Variants in GAD2 observed in about 807,000 individuals in gnomAD.
GAD2 encodes 65 kDa glutamic acid decarboxylase.
Under a neutral mutation model 80.1 loss-of-function variants are expected in GAD2, and 22 were observed. The ratio of observed to expected loss-of-function variants is 0.27; its 90% confidence interval spans 0.20 to 0.39. The LOEUF (loss-of-function observed/expected upper bound fraction) is 0.39. Ranked by LOEUF, GAD2 falls within the 10% of genes least tolerant of loss-of-function variation. The probability of loss-of-function intolerance (pLI) is 1.00; values close to 1 mark genes in which losing one functional copy is unlikely to be tolerated. For missense variants in GAD2, 624 were observed against 738.4 expected, an observed-to-expected ratio of 0.85 and a Z score of 1.80; for synonymous variants, 274 against 256.9, an observed-to-expected ratio of 1.07 and a Z score of -0.64.
chr10:26,223,851 G>T (rs751921166), intron 4 of GAD2, 36 bp from the exon 5 acceptor site: 1 of 1,368,524 alleles, frequency 7.3e-7, no homozygotes, highest in South Asian at 1.3e-5. Context: ...ATTTTCACTG[G>T]AGGCAATCCT....
At chr10:26,259,669 T>G (rs1844986558) in intron 8 of GAD2, among the ~76,000 whole-genome samples, 1 of 152,208 alleles carries the variant, frequency 6.6e-6, no homozygotes, top group African/African-American at 2.4e-5. Flanking sequence ...CTTCTTACTC[T>G]GTTGATAGTA....
intron 7 of GAD2, among the ~76,000 whole-genome samples, chr10:26,235,987 G>C (rs569564501): frequency 6.6e-6 from 1 of 152,124 alleles, no homozygotes; most frequent in Non-Finnish European, 1.5e-5. Context: ...AATTCGCTCC[G>C]CTCTTCACAT....
chr10:26,264,822 A>G (rs956152978), intron 8 of GAD2, among the ~76,000 whole-genome samples: 1 of 152,298 alleles, frequency 6.6e-6, no homozygotes, highest in Admixed American at 6.5e-5. Context: ...ATGTACGCAT[A>G]CTTTCTTCTT....
intron 9 of GAD2, among the ~76,000 whole-genome samples, chr10:26,270,249 T>C (rs560167682): frequency 1.1e-4 from 17 of 152,310 alleles, no homozygotes; most frequent in African/African-American, 4.1e-4. Context: ...CTACTCACTC[T>C]AGGGGATTTA....
At chr10:26,222,716 A>G (rs1352197935) in intron 4 of GAD2, among the ~76,000 whole-genome samples, 1 of 152,216 alleles carries the variant, frequency 6.6e-6, no homozygotes, top group East Asian at 1.9e-4. Flanking sequence ...ATCTTTACCC[A>G]GTGTCTGTCT....
intron 3 of GAD2, chr10:26,218,286 A>C: frequency 1.5e-5 from 5 of 323,948 alleles, no homozygotes; most frequent in African/African-American, 2.1e-5. Flanking sequence ...CGCTCACTGA[A>C]TCGATGACGG....
chr10:26,251,698 G>T (rs903268132), intron 8 of GAD2, among the ~76,000 whole-genome samples: 1 of 152,204 alleles, frequency 6.6e-6, no homozygotes, highest in African/African-American at 2.4e-5. Context: ...TTAAGGAAAT[G>T]GATGCATCAG....
chr10:26,279,790 G>A (rs1429915559), intron 11 of GAD2, among the ~76,000 whole-genome samples: 1 of 152,164 alleles, frequency 6.6e-6, no homozygotes, highest in Admixed American at 6.5e-5. Context: ...GGCAAAAAAA[G>A]ATGGAACTCT....
chr10:26,252,416 C>G (rs532881247), intron 8 of GAD2, among the ~76,000 whole-genome samples: 132 of 152,158 alleles, frequency 8.7e-4, no homozygotes, highest in African/African-American at 3.2e-3. Context: ...AATCTCAGCT[C>G]ACTGCAGCCT....
intron 3 of GAD2, 144 bp downstream of exon 3, chr10:26,218,135 A>C: frequency 4.4e-6 from 4 of 900,444 alleles, no homozygotes; most frequent in Non-Finnish European, 6.6e-6. Context: ...CTTCAGATAA[A>C]AGCGAGAAAT....
At chr10:26,243,106 T>C (rs1564660564) in intron 7 of GAD2, among the ~76,000 whole-genome samples, 1 of 152,134 alleles carries the variant, frequency 6.6e-6, no homozygotes, top group African/African-American at 2.4e-5. Context: ...AATTAAGCTT[T>C]CTCCTCTAGT....
At chr10:26,282,557 CA>C (rs1179462408) in intron 12 of GAD2, among the ~76,000 whole-genome samples, 1 of 151,898 alleles carries the variant, frequency 6.6e-6, no homozygotes, top group Non-Finnish European at 1.5e-5. Flanking sequence ...CATTATCTTC[CA>C]AAACCTGATT....
intron 13 of GAD2, among the ~76,000 whole-genome samples, chr10:26,287,784 G>T (rs1011826568): frequency 6.6e-6 from 1 of 152,166 alleles, no homozygotes; most frequent in African/African-American, 2.4e-5. Flanking sequence ...ACTCCATTTT[G>T]ATTCTAACAA....
chr10:26,232,423 A>G lies in GAD2; in HGVS notation c.840+2646A>G, dbSNP rs1213381464. Among the ~76,000 whole-genome samples the G allele has an allele frequency of 4.0e-5, 6 of 151,382 alleles. No homozygotes were observed. The East Asian group carries it at 9.7e-4, about 24-fold the overall frequency. On this transcript the variant is annotated intron_variant, in intron 7 of 15. Coordinates refer to ENST00000376261, the MANE Select transcript of GAD2 (RefSeq NM_001134366.2). ...CATGTGGTCTGAGGATCTAAAAATAACAATTTTGCTCTACCTTCTTTTCCT... is the reference window on the plus strand; with the variant it reads ...CATGTGGTCTGAGGATCTAAAAATAGCAATTTTGCTCTACCTTCTTTTCCT...
chr10:26,273,228 T>C (rs1257836825), intron 10 of GAD2, among the ~76,000 whole-genome samples: 1 of 152,252 alleles, frequency 6.6e-6, no homozygotes, highest in Non-Finnish European at 1.5e-5. Context: ...TGGAATCATT[T>C]AGACTTGTCA....
At chr10:26,294,396 A>G (rs8190791) in intron 15 of GAD2, among the ~76,000 whole-genome samples, 1,745 of 152,318 alleles carry the variant, frequency 0.011, 40 homozygotes, top group African/African-American at 0.039. Flanking sequence ...TCGGGAGGAA[A>G]CTTCCATATG....
chr10:26,233,418 AG>A (rs995615732), intron 7 of GAD2, among the ~76,000 whole-genome samples: 4 of 152,012 alleles, frequency 2.6e-5, no homozygotes. Flanking sequence ...GTTGGGCTGG[AG>A]GGGGTTTTCG....
chr10:26,280,256 C>T (rs1275138508), intron 11 of GAD2, among the ~76,000 whole-genome samples: 1 of 152,200 alleles, frequency 6.6e-6, no homozygotes, highest in East Asian at 1.9e-4. Context: ...AGACAGGTCT[C>T]AGTTAATTTT....
At chr10:26,249,270 C>T (rs1345641865) in intron 8 of GAD2, among the ~76,000 whole-genome samples, 1 of 152,130 alleles carries the variant, frequency 6.6e-6, no homozygotes, top group Non-Finnish European at 1.5e-5. Flanking sequence ...TCATATTGGT[C>T]AGGCTGGTCT....
Sources: gnomAD v4.1 joint callset for allele counts (sites outside exome capture counted in the v4.1 genomes callset) on GRCh38, gnomAD v4.1.1 for gene constraint, MANE v1.5 for transcripts, NCBI Gene and HGNC (gene_info 2026-07-23, HGNC 2026-07-21) for gene names.